Variants in ITGB5 observed in about 807,000 individuals in gnomAD.
The protein encoded by ITGB5 is integrin beta-5.
ITGB5 carries 38 observed loss-of-function variants against 84.8 expected under a neutral mutation model. That is an observed-to-expected ratio of 0.45 (90% confidence interval 0.35 to 0.59). The LOEUF (loss-of-function observed/expected upper bound fraction) is 0.59, where lower values mean the gene tolerates loss of function less well. ITGB5 is among the 20% of genes least tolerant of loss of function. ITGB5 has a pLI of 0.01. For missense variants in ITGB5, 905 were observed against 1,034.5 expected (o/e 0.87, Z 1.72); for synonymous variants, 393 against 414.4 (o/e 0.95, Z 0.63).
Position 124,769,126 on chromosome 3 carries a change from G to A in ITGB5, c.1917-13C>T. On this transcript the variant is annotated splice_polypyrimidine_tract_variant and intron_variant, in intron 11 of 14. Transcript: ENST00000296181. ...CTCGACGCAATCTCTTTGGAAAAGAGGAGATAAAGGTGGGTGTCAGATAAT... is the reference window on the plus strand; with the variant it reads ...CTCGACGCAATCTCTTTGGAAAAGAAGAGATAAAGGTGGGTGTCAGATAAT... 1 of 1,610,624 alleles carries A rather than the reference G, an allele frequency of 6.2e-7. No individual in the cohort carries two copies.
chr3:124,796,838 G>A, intron 9 of ITGB5, 21 bp from the exon 10 acceptor site: 1 of 1,570,570 alleles, frequency 6.4e-7, no homozygotes, highest in Non-Finnish European at 8.7e-7. Context: ...GGAAGAGAAG[G>A]GATATCATGG....
intron 1 of ITGB5, among the ~76,000 whole-genome samples, chr3:124,876,572 T>C (rs184033482): frequency 7.9e-5 from 12 of 152,192 alleles, no homozygotes; most frequent in Admixed American, 3.9e-4. Flanking sequence ...GAAATACCAA[T>C]TGGCATAAGG....
chr3:124,863,040 C>T (rs1306106967), intron 2 of ITGB5: 2 of 152,228 alleles, frequency 1.3e-5, no homozygotes, highest in Admixed American at 6.5e-5. Flanking sequence ...GCCACGCGGA[C>T]CAAAGTTAGA....
At chr3:124,883,693 CT>C (rs1242875907) in intron 1 of ITGB5, among the ~76,000 whole-genome samples, 1 of 152,200 alleles carries the variant, frequency 6.6e-6, no homozygotes, top group Non-Finnish European at 1.5e-5. Flanking sequence ...CATTCGATTG[CT>C]TTTTTAAAAA....
In ITGB5 at chr3:124,821,394, T is replaced by C; in HGVS notation, c.861A>G (p.Gly287=). ...TDDVPHIALD[G]KLGGLVQPHD... is the part of the protein sequence containing the mutation. ...GTGGCTGCACCAGGCCTCCCAATTT[T>C]CCATCCAATGCGATGTGGGGCACAT... Residue 287 remains glycine (G), a synonymous_variant, in exon 6 of 15, where the codon GGA becomes GGG. Coordinates refer to ENST00000296181, the MANE Select transcript of ITGB5 (RefSeq NM_002213.5). The C allele has an allele frequency of 6.2e-7, 1 of 1,614,186 alleles. No individual in the cohort carries two copies. The highest frequency in any genetic ancestry group is 8.5e-7 in the Non-Finnish European group (1 of 1,180,028).
intron 5 of ITGB5, among the ~76,000 whole-genome samples, chr3:124,840,776 G>C (rs1232442384): frequency 6.6e-6 from 1 of 151,822 alleles, no homozygotes; most frequent in Admixed American, 6.6e-5. Context: ...CGATTCTCCT[G>C]CCTCAGCCTC....
intron 10 of ITGB5, among the ~76,000 whole-genome samples, chr3:124,788,335 A>G (rs1485683077): frequency 6.6e-6 from 1 of 152,132 alleles, no homozygotes; most frequent in Non-Finnish European, 1.5e-5. Context: ...TTTCCATTAT[A>G]TAAGGAGGCC....
chr3:124,837,564 C>T (rs2064952018), intron 5 of ITGB5, among the ~76,000 whole-genome samples: 1 of 152,206 alleles, frequency 6.6e-6, no homozygotes, highest in Admixed American at 6.5e-5. Flanking sequence ...CTCAAAACCT[C>T]CATTCATAGA....
chr3:124,802,532 C>T (rs2064331771), intron 9 of ITGB5, among the ~76,000 whole-genome samples: 1 of 152,240 alleles, frequency 6.6e-6, no homozygotes. Context: ...ACTCCCCGTG[C>T]CAGGGCCGGC....
At chr3:124,883,909 G>A (rs1158924758) in intron 1 of ITGB5, among the ~76,000 whole-genome samples, 1 of 152,138 alleles carries the variant, frequency 6.6e-6, no homozygotes, top group Non-Finnish European at 1.5e-5. Context: ...GATAGCCCTT[G>A]GTGGGGACGG....
intron 10 of ITGB5, among the ~76,000 whole-genome samples, chr3:124,775,220 G>A (rs1388707390): frequency 6.6e-6 from 1 of 151,916 alleles, no homozygotes; most frequent in Non-Finnish European, 1.5e-5. Context: ...GAAAGCGAGT[G>A]TGAGTGTGTA....
chr3:124,830,925 A>G (rs2064850672), intron 5 of ITGB5, among the ~76,000 whole-genome samples: 4 of 152,190 alleles, frequency 2.6e-5, no homozygotes, highest in Admixed American at 2.0e-4. Context: ...CAGAGGTTGC[A>G]GTGAGCTGAG....
In ITGB5 at chr3:124,870,030, T is replaced by C. The variant is rs767923802; in HGVS notation, c.156+3416A>G. Among the ~76,000 whole-genome samples, 3 of 152,352 alleles carry C rather than the reference T, an allele frequency of 2.0e-5. No homozygotes were observed. In the South Asian group the frequency reaches 6.2e-4, roughly 32 times the overall value. On this transcript the variant is annotated intron_variant, in intron 2 of 14. Coordinates refer to ENST00000296181, the MANE Select transcript of ITGB5 (RefSeq NM_002213.5). ...GGATCTCATTTTACACTCCCAGTCATGCTGGAGGGTGGGAACAATCACCTT... is the reference window on the plus strand; with the variant it reads ...GGATCTCATTTTACACTCCCAGTCACGCTGGAGGGTGGGAACAATCACCTT...
intron 3 of ITGB5, among the ~76,000 whole-genome samples, chr3:124,850,233 T>C (rs2107605831): frequency 6.6e-6 from 1 of 152,046 alleles, no homozygotes; most frequent in Non-Finnish European, 1.5e-5. Context: ...TCAAAAGATT[T>C]TAGTTCAAGT....
intron 1 of ITGB5, among the ~76,000 whole-genome samples, chr3:124,883,573 C>G (rs933889395): frequency 2.6e-5 from 4 of 152,242 alleles, no homozygotes; most frequent in Non-Finnish European, 5.9e-5. Flanking sequence ...CATCACAGAC[C>G]ACAGGAAATG....
At chr3:124,858,348 G>A (rs1472119402) in intron 3 of ITGB5, among the ~76,000 whole-genome samples, 1 of 152,062 alleles carries the variant, frequency 6.6e-6, no homozygotes, top group African/African-American at 2.4e-5. Flanking sequence ...AGACTCAAAT[G>A]GAATTTGCTG....
chr3:124,774,833 G>A (rs944818132), intron 10 of ITGB5, among the ~76,000 whole-genome samples: 4 of 152,226 alleles, frequency 2.6e-5, no homozygotes, highest in Non-Finnish European at 1.5e-5. Context: ...CTTCCTATAT[G>A]AGCACCTTAC....
At chr3:124,856,493 A>G (rs1260259478) in intron 3 of ITGB5, among the ~76,000 whole-genome samples, 1 of 152,222 alleles carries the variant, frequency 6.6e-6, no homozygotes, top group African/African-American at 2.4e-5. Flanking sequence ...CTGAAACTAC[A>G]AACTCTTTTG....
chr3:124,821,830 A>G (rs746316801), intron 5 of ITGB5, among the ~76,000 whole-genome samples: 2 of 152,086 alleles, frequency 1.3e-5, no homozygotes, highest in East Asian at 3.9e-4. Context: ...GGCCTCAGCT[A>G]TTCTTCCTTC....
Sources: allele counts gnomAD v4.1 joint callset (sites outside exome capture counted in the v4.1 genomes callset), GRCh38; gene constraint gnomAD v4.1.1; transcripts MANE v1.5; gene names NCBI Gene and HGNC (gene_info 2026-07-23, HGNC 2026-07-21).